The following ZNF644 variants were observed in gnomAD, a reference collection of about 807,000 sequenced individuals.
The protein encoded by ZNF644 is zinc finger motif enhancer binding protein 2.
Under a neutral mutation model 108.0 loss-of-function variants are expected in ZNF644, and 20 were observed. The observed-to-expected ratio is 0.19, with a 90% confidence interval of 0.13 to 0.27. The LOEUF is 0.27. ZNF644 is among the 10% of genes least tolerant of loss of function. The pLI, the probability that ZNF644 is intolerant of heterozygous loss-of-function variation, is 1.00. For synonymous variants in ZNF644, 542 were observed against 539.1 expected (o/e 1.01, Z -0.08); for missense variants, 1,338 against 1,548.9 (o/e 0.86, Z 2.29).
chr1:90,933,784 G>A (rs1018611415), intron 4 of ZNF644, among the ~76,000 whole-genome samples: 2 of 152,044 alleles, frequency 1.3e-5, no homozygotes, highest in East Asian at 3.9e-4. Flanking sequence ...CCTGTGTAAG[G>A]TAGAGAATAG....
chr1:90,978,749 T>C (rs562142025), intron 2 of ZNF644, among the ~76,000 whole-genome samples: 1 of 151,754 alleles, frequency 6.6e-6, no homozygotes, highest in Admixed American at 6.6e-5. Context: ...TGTGGAGACA[T>C]GTAAGTTAGG....
chr1:91,017,854 T>C (rs1426220489), intron 1 of ZNF644, among the ~76,000 whole-genome samples: 2 of 151,960 alleles, frequency 1.3e-5, no homozygotes, highest in Admixed American at 1.3e-4. Flanking sequence ...CCCAGCTACT[T>C]GAGAGGCTGA....
At chr1:90,968,743 A>G (rs1655174249) in intron 2 of ZNF644, among the ~76,000 whole-genome samples, 1 of 152,168 alleles carries the variant, frequency 6.6e-6, no homozygotes, top group Non-Finnish European at 1.5e-5. Context: ...TCCCTTTCAG[A>G]TTTATGATTC....
chr1:90,962,049 TGAG>T (rs1037022148), intron 2 of ZNF644, among the ~76,000 whole-genome samples: 2 of 152,108 alleles, frequency 1.3e-5, no homozygotes, highest in Non-Finnish European at 2.9e-5. Flanking sequence ...AAAGGGATCC[TGAG>T]AAGAAAGAAT....
At chr1:90,920,746 A>G (rs1394031573) in intron 4 of ZNF644, among the ~76,000 whole-genome samples, 2 of 152,040 alleles carry the variant, frequency 1.3e-5, no homozygotes, top group Admixed American at 1.3e-4. Flanking sequence ...TCTAGAACCC[A>G]GGGCTCCAAA....
At chr1:90,963,707 GA>G (rs1654558551) in intron 2 of ZNF644, among the ~76,000 whole-genome samples, 1 of 152,080 alleles carries the variant, frequency 6.6e-6, no homozygotes, top group South Asian at 2.1e-4. Context: ...AAAAATTTCA[GA>G]AACAAGTAAA....
At chr1:90,970,575 T>A (rs1433645244) in intron 2 of ZNF644, among the ~76,000 whole-genome samples, 1 of 152,122 alleles carries the variant, frequency 6.6e-6, no homozygotes, top group African/African-American at 2.4e-5. Context: ...TTCTGAAAAA[T>A]TCCAATCTAA....
intron 1 of ZNF644, among the ~76,000 whole-genome samples, chr1:90,983,504 A>T (rs1043593575): frequency 5.3e-5 from 8 of 151,666 alleles, no homozygotes; most frequent in African/African-American, 1.7e-4. Flanking sequence ...AAAAAAAAGA[A>T]GAAGTCTTTG....
At chr1:90,989,532 G>A (rs1221445676) in intron 1 of ZNF644, among the ~76,000 whole-genome samples, 1 of 152,152 alleles carries the variant, frequency 6.6e-6, no homozygotes, top group Non-Finnish European at 1.5e-5. Flanking sequence ...AATATAGCAA[G>A]ACCCTGTTCC....
chr1:90,923,107 A>AG (rs1649651132), intron 4 of ZNF644, among the ~76,000 whole-genome samples: 2 of 152,160 alleles, frequency 1.3e-5, no homozygotes, highest in Non-Finnish European at 2.9e-5. Context: ...CTTTCTGTAC[A>AG]AAGTGCCTAG....
intron 1 of ZNF644, among the ~76,000 whole-genome samples, chr1:91,012,834 T>G (rs762738654): frequency 1.3e-5 from 2 of 149,058 alleles, no homozygotes; most frequent in South Asian, 4.3e-4. Flanking sequence ...TCACTGTATG[T>G]TATACCTAAA....
intron 2 of ZNF644, among the ~76,000 whole-genome samples, chr1:90,958,935 A>G (rs1223375200): frequency 9.8e-6 from 1 of 101,738 alleles, no homozygotes; most frequent in Non-Finnish European, 2.3e-5. Flanking sequence ...AAAAGCACGA[A>G]CAGCAAAAAA....
chr1:90,916,975 G>A lies in ZNF644; in HGVS notation c.3807C>T (p.Val1269=), dbSNP rs1648832436. ...CCTGAACAGACAAGGGTCCTCGAAAGACTAGGCCACAAAACCTACAGAAAG... is the reference window on the plus strand; with the variant it reads ...CCTGAACAGACAAGGGTCCTCGAAAAACTAGGCCACAAAACCTACAGAAAG... ...YILRCRFCGL[V]FRGPLSVQED... is the part of the protein sequence containing the mutation. Residue 1269 remains valine (V), a synonymous_variant, in exon 6 of 6, where the codon GTC becomes GTT. Coordinates refer to ENST00000337393, the MANE Select transcript of ZNF644 (RefSeq NM_201269.3). 6.2e-7 allele frequency: 1 copy of A among 1,614,022 alleles called. No individual in the cohort carries two copies.
At chr1:90,999,695 C>G (rs1457619931) in intron 1 of ZNF644, among the ~76,000 whole-genome samples, 1 of 152,102 alleles carries the variant, frequency 6.6e-6, no homozygotes, top group Non-Finnish European at 1.5e-5. Context: ...CAATATTAAC[C>G]TTAAATGTAA....
At chr1:91,021,913 C>G in intron 1 of ZNF644, 77 bp downstream of exon 1, 1 of 399,288 alleles carries the variant, frequency 2.5e-6, no homozygotes, top group Non-Finnish European at 4.4e-6. Flanking sequence ...ACCCTCAGTC[C>G]CGCCGCTGCC....
intron 1 of ZNF644, among the ~76,000 whole-genome samples, chr1:91,016,193 T>C (rs28433563): frequency 0.013 from 1,950 of 152,336 alleles, 39 homozygotes; most frequent in African/African-American, 0.044. Context: ...TGAAGCCTTT[T>C]ACCCACCTTC....
intron 2 of ZNF644, among the ~76,000 whole-genome samples, chr1:90,955,196 A>G (rs1653629558): frequency 6.6e-6 from 1 of 152,198 alleles, no homozygotes; most frequent in South Asian, 2.1e-4. Flanking sequence ...ACCATGCTGT[A>G]ACAGGTGAAC....
chr1:90,990,003 ACATGCTATAG>A (rs146881166), intron 1 of ZNF644, among the ~76,000 whole-genome samples: 17,953 of 152,210 alleles, frequency 0.12, 1,097 homozygotes, highest in South Asian at 0.16. Context: ...AAATTGTGTC[ACATGCTATAG>A]CATGGATGAA....
intron 1 of ZNF644, among the ~76,000 whole-genome samples, chr1:91,001,457 C>A (rs934296520): frequency 6.6e-6 from 1 of 152,154 alleles, no homozygotes; most frequent in Non-Finnish European, 1.5e-5. Context: ...TCAATAGATG[C>A]AGAAAAGGCC....
Sources: allele counts gnomAD v4.1 joint callset (sites outside exome capture counted in the v4.1 genomes callset), GRCh38; gene constraint gnomAD v4.1.1; transcripts MANE v1.5; gene names NCBI Gene and HGNC (gene_info 2026-07-23, HGNC 2026-07-21).